Variants in SQSTM1 observed in about 807,000 individuals in gnomAD.
SQSTM1 encodes sequestosome-1.
In SQSTM1, 36 loss-of-function variants were observed where a neutral mutation model predicts 45.1. The ratio of observed to expected loss-of-function variants is 0.80; its 90% CI spans 0.61 to 1.05. The LOEUF is 1.05. SQSTM1 is among the 50% of genes least tolerant of loss of function. The pLI is 0.00. For synonymous variants in SQSTM1, 290 were observed against 244.3 expected, an observed-to-expected ratio of 1.19 and a Z score of -1.74; for missense variants, 617 against 607.1, an observed-to-expected ratio of 1.02 and a Z score of -0.17.
chr5:179,825,161 A>C lies in SQSTM1; in HGVS notation c.689A>C (p.Glu230Ala). The stretch of plus-strand genomic sequence containing the variant: ...AAAATCAAAGCTTCTGGTCCATCGG[A>C]GGATCCGAGTGTGAATTTCCTGAAG... Reference protein sequence around the residue: ...PTAESASGPSEDPSVNFLKNV... With the variant: ...PTAESASGPSADPSVNFLKNV... Residue 230 changes from glutamate (E) to alanine (A), a missense_variant, in exon 5 of 8, where the codon GAG becomes GCG. Transcript: ENST00000389805. 6.2e-7 allele frequency: 1 copy of C among 1,614,054 alleles called. No homozygotes were observed. The highest frequency in any genetic ancestry group is 8.5e-7 in the Non-Finnish European group (1 of 1,179,980).
intron 3 of SQSTM1, 32 bp from the exon 4 acceptor site, chr5:179,824,148 TCA>T (rs1757903354): frequency 6.2e-7 from 1 of 1,613,490 alleles, no homozygotes; most frequent in Non-Finnish European, 8.5e-7. Flanking sequence ...CTTGACCCGC[TCA>T]CTGCCTGCCG....
intron 1 of SQSTM1, among the ~76,000 whole-genome samples, chr5:179,809,572 C>CAG (rs1757330427): frequency 1.4e-5 from 2 of 147,282 alleles, no homozygotes; most frequent in Non-Finnish European, 1.5e-5. Context: ...CTCCTGACCT[C>CAG]GTGATCCACC....
intron 6 of SQSTM1, 113 bp from the exon 7 acceptor site, chr5:179,833,474 T>G: frequency 8.3e-7 from 1 of 1,197,906 alleles, no homozygotes; most frequent in Non-Finnish European, 1.2e-6. Flanking sequence ...CCCTGCAGCC[T>G]TAACTGCACG....
At chr5:179,812,994 C>G (rs1157090082) in intron 2 of SQSTM1, 4 of 147,830 alleles carry the variant, frequency 2.7e-5, no homozygotes, top group African/African-American at 1.0e-4. Context: ...GTCCCCCCCC[C>G]CCCAAAAAAA....
chr5:179,828,101 CTTTT>C (rs370822125), intron 5 of SQSTM1, among the ~76,000 whole-genome samples: 1 of 151,970 alleles, frequency 6.6e-6, no homozygotes, highest in Non-Finnish European at 1.5e-5. Context: ...ATCGTCTAGT[CTTTT>C]TTTTAAGTGA....
At chr5:179,836,405 A>C (rs1027965196) in intron 7 of SQSTM1, 31 bp from the exon 8 acceptor site, 43 of 1,613,254 alleles carry the variant, frequency 2.7e-5, no homozygotes, top group Non-Finnish European at 3.3e-5. Context: ...GCTCAGCACC[A>C]CTCCTCATGG....
chr5:179,811,677 G>C (rs985177835), exon 2 of SQSTM1: 2 of 152,220 alleles, frequency 1.3e-5, no homozygotes, highest in African/African-American at 2.4e-5. Flanking sequence ...TGGGGCTTGA[G>C]AAAGGGTGAG....
Position 179,820,925 on chromosome 5 carries a change from T to C in SQSTM1, c.-12T>C. 1.3e-6 allele frequency: 2 copies of C among 1,527,718 alleles called. No individual in the cohort carries two copies. The highest frequency in any genetic ancestry group is 8.8e-7 in the Non-Finnish European group (1 of 1,139,416). 94.6% of individuals were successfully genotyped at this position (1,527,718 alleles called of 1,614,324 possible). A position where few individuals can be genotyped will look rare whatever the true frequency, so the allele number is the denominator to read the frequency against. On this transcript the variant is annotated 5_prime_UTR_variant, in exon 1 of 8. Coordinates refer to ENST00000389805, the MANE Select transcript of SQSTM1 (RefSeq NM_003900.5). ...CCGGGACGGCCCGTTTTCCGCCAGC[T>C]CGCCGCTCGCTATGGCGTCGCTCAC...
chr5:179,834,239 G>A (rs1328310263), intron 7 of SQSTM1, among the ~76,000 whole-genome samples: 1 of 104,024 alleles, frequency 9.6e-6, no homozygotes, highest in Non-Finnish European at 2.0e-5. Flanking sequence ...GCAGCAGTGG[G>A]GGGGTGGGGG....
Position 179,833,595 on chromosome 5 carries a change from G to A in SQSTM1, c.978G>A (p.Met326Ile). 1.2e-6 allele frequency: 2 copies of A among 1,614,202 alleles called. No homozygotes were observed. Among genetic ancestry groups the A allele is most frequent in the Non-Finnish European group, 1.7e-6 (2 of 1,180,026 alleles). The change falls in exon 7 of 8, where the codon ATG becomes ATA. Residue 326 changes from methionine (M) to isoleucine (I), a missense_variant. By Grantham distance (10) the Met-to-Ile change is conservative. Transcript: ENST00000389805. ...LESEGRPEEQ[M>I]ESDNCSGGDD... ...GGTGAGTTTTGTTCCAGGAACAGAT[G>A]GAGTCGGATAACTGTTCAGGAGGAG... is the stretch of plus-strand genomic sequence containing the variant.
At chr5:179,824,475 TG>T in intron 4 of SQSTM1, 152 bp downstream of exon 4, 1 of 1,182,534 alleles carries the variant, frequency 8.5e-7, no homozygotes, top group South Asian at 1.3e-5. Flanking sequence ...CCCTGCAAAG[TG>T]GGGTGTATTC....
Position 179,824,180 on chromosome 5 carries a change from A to G in SQSTM1, c.532-2A>G. ...CTGCCGCTCTGCTAATTCCTCCCCC[A>G]GGGCTTCTCGCACAGCCGCTGGCTC... is the stretch of plus-strand genomic sequence containing the variant. On this transcript the variant is annotated splice_acceptor_variant, in intron 3 of 7. Transcript: ENST00000389805. LOFTEE classifies it high-confidence loss of function. 1 of 1,613,748 alleles carries G rather than the reference A, an allele frequency of 6.2e-7. No individual in the cohort carries two copies. The highest frequency in any genetic ancestry group is 1.1e-5 in the South Asian group (1 of 91,090).
chr5:179,809,689 G>T (rs1283058933), intron 1 of SQSTM1, among the ~76,000 whole-genome samples: 1 of 141,118 alleles, frequency 7.1e-6, no homozygotes, highest in East Asian at 2.1e-4. Context: ...CCTGGCCCAG[G>T]CTGGAGTGCA....
At chr5:179,826,570 G>A (rs1757995979) in intron 5 of SQSTM1, among the ~76,000 whole-genome samples, 1 of 151,556 alleles carries the variant, frequency 6.6e-6, no homozygotes, top group Non-Finnish European at 1.5e-5. Context: ...GGTGAAGTCA[G>A]AGAATAGGAA....
rs910040159 is a variant in SQSTM1 at position 179,806,423 on chromosome 5, G to A, written c.-325G>A. On this transcript the variant is annotated 5_prime_UTR_variant, in exon 1 of 6. Coordinates refer to the SQSTM1 transcript ENST00000514093. This position sits in a 1 kb window ranked among gnomAD's most constrained non-coding sequence, Gnocchi z 4.6. ...CCGGCCGCCTTCCGCGGCCACCGCC[G>A]GGCCCGCTCCCGCCGCCGACGCCCA... The A allele has an allele frequency of 4.8e-6, 5 of 1,048,030 alleles. No homozygotes were observed. Among genetic ancestry groups the A allele is most frequent in the Non-Finnish European group, 5.9e-6 (5 of 848,150 alleles). 64.9% of individuals were successfully genotyped at this position (1,048,030 alleles called of 1,614,324 possible). A position where few individuals can be genotyped will look rare whatever the true frequency, so the allele number is the denominator to read the frequency against.
chr5:179,824,068 C>T lies in SQSTM1; in HGVS notation c.512C>T (p.Pro171Leu), dbSNP rs1757896800. Reference protein sequence around the residue: ...RGHTKLAFPSPFGHLSEGFSH... With the variant: ...RGHTKLAFPSLFGHLSEGFSH... ...CACACCAAGCTCGCATTCCCCAGCC[C>T]CTTCGGGCACCTGTCTGAGGTGAGC... Residue 171 changes from proline to leucine, a missense_variant, in exon 3 of 8, where the codon CCC becomes CTC. Pro to Leu is a moderately conservative substitution (Grantham distance 98). Transcript: ENST00000389805. 1.9e-6 allele frequency: 3 copies of T among 1,613,918 alleles called. No homozygotes were observed. The highest frequency in any genetic ancestry group is 2.5e-6 in the Non-Finnish European group (3 of 1,180,030).
At chr5:179,830,000 C>T (rs571690552) in intron 5 of SQSTM1, among the ~76,000 whole-genome samples, 4 of 152,226 alleles carry the variant, frequency 2.6e-5, no homozygotes, top group Non-Finnish European at 5.9e-5. Context: ...GCCCCAGCTA[C>T]GTGGGAGGCT....
chr5:179,832,685 A>G (rs529142324), intron 5 of SQSTM1, among the ~76,000 whole-genome samples: 1 of 152,254 alleles, frequency 6.6e-6, no homozygotes, highest in South Asian at 2.1e-4. Context: ...ATGCTAGCTG[A>G]GGTTAATGTT....
chr5:179,811,008 C>G (rs13356706), intron 1 of SQSTM1, among the ~76,000 whole-genome samples: 1 of 151,998 alleles, frequency 6.6e-6, no homozygotes, highest in Non-Finnish European at 1.5e-5. Flanking sequence ...TTTGGGAGGC[C>G]GAGACGGGCG....
Sources: gnomAD v4.1 joint callset for allele counts (sites outside exome capture counted in the v4.1 genomes callset) on GRCh38, gnomAD v4.1.1 for gene constraint, Gnocchi (gnomAD v3.1) non-coding constraint, MANE v1.5 for transcripts, NCBI Gene and HGNC (gene_info 2026-07-23, HGNC 2026-07-21) for gene names.